The following CADPS variants were observed in gnomAD, a reference collection of about 807,000 sequenced individuals.
CADPS encodes calcium dependent secretion activator, also known as calcium-dependent secretion activator 1.
A neutral mutation model predicts 167.3 loss-of-function variants in CADPS; 57 were observed. The observed-to-expected ratio is 0.34, with a 90% CI of 0.28 to 0.42. The LOEUF (loss-of-function observed/expected upper bound fraction) is 0.42. Among genes scored for constraint, CADPS ranks in the 20% least tolerant of loss-of-function variants. CADPS has a pLI of 1.00. For synonymous variants in CADPS, 676 were observed against 635.3 expected (o/e 1.06, Z -0.96); for missense variants, 1,414 against 1,738.1 (o/e 0.81, Z 3.32).
At chr3:62,573,867 A>G (rs2081782331) in intron 8 of CADPS, among the ~76,000 whole-genome samples, 1 of 152,216 alleles carries the variant, frequency 6.6e-6, no homozygotes, top group South Asian at 2.1e-4. Flanking sequence ...AATACTTAGC[A>G]TAGAAACATG....
rs114590225 is a variant in CADPS, at chr3:62,703,282, A to C, written c.889-40888T>G. On this transcript the variant is annotated intron_variant, in intron 3 of 29. Transcript: ENST00000383710. ...TCTAGCTGAACGACCCAATGAATGAATAAATTCTGGGAACTCCAGATGCTT... is the reference window on the plus strand; with the variant it reads ...TCTAGCTGAACGACCCAATGAATGACTAAATTCTGGGAACTCCAGATGCTT... 7.2e-3 allele frequency among the ~76,000 whole-genome samples: 1,104 copies of C among 152,290 alleles called. 27 individuals carry two copies. The highest frequency in any genetic ancestry group is 0.025 in the African/African-American group (1,034 of 41,534).
rs539896281 is a variant in CADPS, at chr3:62,465,637, G to A, written c.3553-187C>T. On this transcript the variant is annotated intron_variant, in intron 25 of 29. Coordinates refer to ENST00000383710, the MANE Select transcript of CADPS (RefSeq NM_003716.4). This position sits in a 1 kb window ranked among gnomAD's most constrained non-coding sequence, Gnocchi z 4.1. ...TTACATAGAAATATTTGACTTATCC[G>A]GCTTTCTCTTCATTATTATGTGATT... 3.3e-5 allele frequency among the ~76,000 whole-genome samples: 5 copies of A among 152,204 alleles called. No homozygotes were observed. The highest frequency in any genetic ancestry group is 4.8e-5 in the African/African-American group (2 of 41,538).
chr3:62,632,718 C>A (rs1002636904), intron 6 of CADPS, among the ~76,000 whole-genome samples: 1 of 152,052 alleles, frequency 6.6e-6, no homozygotes, highest in Admixed American at 6.6e-5. Context: ...AAGCACAGTG[C>A]AATCTGACTT....
intron 6 of CADPS, among the ~76,000 whole-genome samples, chr3:62,627,642 T>TAA (rs61685165): frequency 1.3e-5 from 2 of 151,718 alleles, no homozygotes; most frequent in Admixed American, 6.6e-5. Context: ...AATACAGAAT[T>TAA]AAAAAAATGT....
At chr3:62,637,921 G>A (rs980347583) in intron 6 of CADPS, among the ~76,000 whole-genome samples, 2 of 151,874 alleles carry the variant, frequency 1.3e-5, no homozygotes, top group Non-Finnish European at 2.9e-5. Flanking sequence ...CATGGCACCT[G>A]GTCCATAGAA....
intron 1 of CADPS, among the ~76,000 whole-genome samples, chr3:62,871,253 C>A (rs545591593): frequency 6.6e-6 from 1 of 152,162 alleles, no homozygotes; most frequent in Admixed American, 6.5e-5. Flanking sequence ...GAGCTAAAAT[C>A]TTTTTCCTTT....
chr3:62,523,270 TC>T (rs1252079972), intron 13 of CADPS, among the ~76,000 whole-genome samples: 1 of 152,212 alleles, frequency 6.6e-6, no homozygotes, highest in Non-Finnish European at 1.5e-5. Flanking sequence ...GTTCTCTTTT[TC>T]CCAAATGCTT....
At chr3:62,719,701 C>G (rs1189647541) in intron 3 of CADPS, among the ~76,000 whole-genome samples, 1 of 152,180 alleles carries the variant, frequency 6.6e-6, no homozygotes, top group Non-Finnish European at 1.5e-5. Flanking sequence ...AAAAATGTAG[C>G]CATTGCCTAA....
chr3:62,687,186 G>A (rs1039316452), intron 3 of CADPS, among the ~76,000 whole-genome samples: 1 of 152,132 alleles, frequency 6.6e-6, no homozygotes, highest in Non-Finnish European at 1.5e-5. Flanking sequence ...CAACACGGGG[G>A]TGGCAAATCC....
At position 62,536,469 on chromosome 3, in the gene CADPS, T is replaced by G. The variant is rs1445270474; in HGVS notation, c.2079A>C (p.Arg693Ser). ...CCAGGCAAGAATAGGAATCATTAAGTCTGTGATCCAAAGTAAGGCGTTGTA... is the reference window on the plus strand; with the variant it reads ...CCAGGCAAGAATAGGAATCATTAAGGCTGTGATCCAAAGTAAGGCGTTGTA... The part of the protein sequence containing the change: ...EMVQRLTLDH[R>S]LNDSYSCLGW... The change falls in exon 12 of 30, where the codon AGA becomes AGC. Residue 693 changes from arginine to serine, a missense_variant. Physicochemically the swap from Arg to Ser is moderately radical, Grantham distance 110. Coordinates refer to ENST00000383710, the MANE Select transcript of CADPS (RefSeq NM_003716.4). The G allele has an allele frequency of 1.2e-6, 2 of 1,613,356 alleles. No individual in the cohort carries two copies. Among genetic ancestry groups the G allele is most frequent in the South Asian group, 2.2e-5 (2 of 91,040 alleles).
intron 8 of CADPS, among the ~76,000 whole-genome samples, chr3:62,581,449 T>TAAAAAAAA (rs549450552): frequency 8.2e-6 from 1 of 121,520 alleles, no homozygotes; most frequent in Non-Finnish European, 1.8e-5. Flanking sequence ...GTTAGAAAAT[T>TAAAAAAAA]AAAAAAAAAA....
chr3:62,471,492 G>A (rs2060612911), intron 24 of CADPS, among the ~76,000 whole-genome samples: 1 of 152,052 alleles, frequency 6.6e-6, no homozygotes, highest in African/African-American at 2.4e-5. Flanking sequence ...CAACTCCCAC[G>A]CTCCCACTAC....
intron 2 of CADPS, among the ~76,000 whole-genome samples, chr3:62,764,162 G>T (rs140521829): frequency 6.6e-6 from 1 of 152,160 alleles, no homozygotes; most frequent in African/African-American, 2.4e-5. Flanking sequence ...GCCTGACAAG[G>T]GTTCTGCCAT....
intron 7 of CADPS, among the ~76,000 whole-genome samples, chr3:62,588,774 A>G (rs2085246995): frequency 6.6e-6 from 1 of 152,222 alleles, no homozygotes; most frequent in Non-Finnish European, 1.5e-5. Context: ...AGCTATGTAA[A>G]AAGGAGACAG....
intron 3 of CADPS, among the ~76,000 whole-genome samples, chr3:62,692,690 TA>T (rs2079402229): frequency 6.6e-6 from 1 of 152,058 alleles, no homozygotes; most frequent in South Asian, 2.1e-4. Flanking sequence ...GCCAAGATGG[TA>T]ACAATACCAT....
At chr3:62,467,475 A>C (rs1176563998) in intron 24 of CADPS, among the ~76,000 whole-genome samples, 2 of 152,198 alleles carry the variant, frequency 1.3e-5, no homozygotes, top group Non-Finnish European at 2.9e-5. Flanking sequence ...TATTCTGATA[A>C]CTGGCAATCA....
intron 4 of CADPS, among the ~76,000 whole-genome samples, chr3:62,653,747 G>A (rs2070824018): frequency 6.6e-6 from 1 of 152,046 alleles, no homozygotes; most frequent in Non-Finnish European, 1.5e-5. Context: ...TGAGGAGGAG[G>A]TAGATAGATG....
intron 23 of CADPS, among the ~76,000 whole-genome samples, chr3:62,475,854 T>G (rs1249334726): frequency 6.6e-6 from 1 of 152,096 alleles, no homozygotes; most frequent in Non-Finnish European, 1.5e-5. Flanking sequence ...CCGGCCCAAT[T>G]TGAGAAATGG....
chr3:62,827,361 T>A (rs2152967914), intron 1 of CADPS, among the ~76,000 whole-genome samples: 1 of 152,324 alleles, frequency 6.6e-6, no homozygotes, highest in South Asian at 2.1e-4. Flanking sequence ...GATGAAAGTG[T>A]ATTTTCATTG....
Sources: gnomAD v4.1 joint callset for allele counts (sites outside exome capture counted in the v4.1 genomes callset) on GRCh38, gnomAD v4.1.1 for gene constraint, Gnocchi (gnomAD v3.1) non-coding constraint, MANE v1.5 for transcripts, NCBI Gene and HGNC (gene_info 2026-07-23, HGNC 2026-07-21) for gene names.